The following SCAPER variants were observed in gnomAD, a reference collection of about 807,000 sequenced individuals.
The protein encoded by SCAPER is S phase cyclin A-associated protein in the endoplasmic reticulum.
In SCAPER, 98 loss-of-function variants were observed where a neutral mutation model predicts 182.2. That is an observed-to-expected ratio of 0.54 (90% CI 0.46 to 0.64). The LOEUF (loss-of-function observed/expected upper bound fraction) is 0.64, where lower values mean the gene tolerates loss of function less well. Among genes scored for constraint, SCAPER ranks in the 30% least tolerant of loss-of-function variants. SCAPER has a pLI of 0.00. For synonymous variants in SCAPER, 605 were observed against 564.6 expected, an observed-to-expected ratio of 1.07 and a Z score of -1.01; for missense variants, 1,432 against 1,690.0, an observed-to-expected ratio of 0.85 and a Z score of 2.68.
At chr15:76,645,934 A>C (rs1193414069) in intron 21 of SCAPER, among the ~76,000 whole-genome samples, 2 of 152,142 alleles carry the variant, frequency 1.3e-5, no homozygotes, top group Non-Finnish European at 2.9e-5. Flanking sequence ...TATTTGTTAA[A>C]ACTTATGTCT....
chr15:76,739,958 G>C (rs1303493280), intron 15 of SCAPER, among the ~76,000 whole-genome samples: 1 of 152,182 alleles, frequency 6.6e-6, no homozygotes, highest in African/African-American at 2.4e-5. Flanking sequence ...CTTGTGACCA[G>C]GAGTTCGAGA....
At chr15:76,873,412 T>C (rs572767361) in intron 2 of SCAPER, among the ~76,000 whole-genome samples, 1 of 149,422 alleles carries the variant, frequency 6.7e-6, no homozygotes, top group Non-Finnish European at 1.5e-5. Context: ...CACTAAAAAA[T>C]AATAATACAT....
chr15:76,564,843 TAGAG>T (rs1189915342), intron 23 of SCAPER, among the ~76,000 whole-genome samples: 5 of 151,894 alleles, frequency 3.3e-5, no homozygotes, highest in Non-Finnish European at 7.4e-5. Flanking sequence ...TGGAACAGAA[TAGAG>T]AGCCCAGAAA....
chr15:76,619,526 A>G lies in SCAPER; in HGVS notation c.2711+2238T>C, dbSNP rs561853766. On this transcript the variant is annotated intron_variant, in intron 22 of 31. Coordinates refer to ENST00000563290, the MANE Select transcript of SCAPER (RefSeq NM_020843.4). Reference sequence around the variant, plus strand: ...TTCCAAGGTAGTTGTATCATTTTATATTCCCATCTTTTAGAGAGAGCTAAT... The same window carrying G: ...TTCCAAGGTAGTTGTATCATTTTATGTTCCCATCTTTTAGAGAGAGCTAAT... Among the ~76,000 whole-genome samples the G allele has an allele frequency of 3.9e-5, 6 of 152,254 alleles. No individual in the cohort carries two copies. In the South Asian group the frequency reaches 1.0e-3, roughly 26 times the overall value.
chr15:76,841,331 C>T lies in SCAPER; in HGVS notation c.393+403G>A, dbSNP rs73455347. On this transcript the variant is annotated intron_variant, in intron 5 of 31. Transcript: ENST00000563290. ...AATGAAAAGCATACAGAATTTATTA[C>T]AACTAGAAAAAGTAAGATAAATGAT... Among the ~76,000 whole-genome samples, 1,140 of 152,152 alleles carry T rather than the reference C, an allele frequency of 7.5e-3. 16 individuals carry two copies. Among genetic ancestry groups the T allele is most frequent in the African/African-American group, 0.026 (1,086 of 41,516 alleles).
At position 76,434,219 on chromosome 15, in the gene SCAPER, C is replaced by G; in HGVS notation, c.3170G>C (p.Ser1057Thr). ...EGLTTGLLKV[S>T]AVVLGCLIAN... is the part of the protein sequence containing the mutation. ...AATCAGGCAGCCCAAAACCACAGCA[C>G]TGACTTTGAGAAGTCCAGTTGTCAA... The change falls in exon 26 of 32, where the codon AGT becomes ACT. Residue 1057 changes from serine to threonine, a missense_variant. Coordinates refer to ENST00000563290, the MANE Select transcript of SCAPER (RefSeq NM_020843.4). The G allele has an allele frequency of 6.2e-7, 1 of 1,613,940 alleles. No individual in the cohort carries two copies. Among genetic ancestry groups the G allele is most frequent in the Non-Finnish European group, 8.5e-7 (1 of 1,179,876 alleles).
At chr15:76,736,891 T>C in intron 15 of SCAPER, 1 of 159,594 alleles carries the variant, frequency 6.3e-6, no homozygotes, top group South Asian at 1.8e-4. Context: ...GGTATCTCGT[T>C]TATTTAATTT....
intron 29 of SCAPER, among the ~76,000 whole-genome samples, chr15:76,367,554 G>A (rs2041892540): frequency 6.6e-6 from 1 of 152,070 alleles, no homozygotes; most frequent in African/African-American, 2.4e-5. Flanking sequence ...TCCTGACCTG[G>A]CAGCAGCCCC....
chr15:76,534,267 A>G (rs538700514), intron 23 of SCAPER, among the ~76,000 whole-genome samples: 14 of 152,366 alleles, frequency 9.2e-5, no homozygotes, highest in African/African-American at 2.6e-4. Flanking sequence ...CATCATGACT[A>G]GTGAAGCAGT....
At chr15:76,563,686 T>C (rs2046817930) in intron 23 of SCAPER, among the ~76,000 whole-genome samples, 1 of 152,178 alleles carries the variant, frequency 6.6e-6, no homozygotes, top group African/African-American at 2.4e-5. Context: ...ATTATCCTGA[T>C]ACCAAAACCT....
intron 8 of SCAPER, among the ~76,000 whole-genome samples, chr15:76,781,692 C>T (rs185211769): frequency 6.5e-4 from 99 of 152,222 alleles, no homozygotes; most frequent in African/African-American, 2.2e-3. Flanking sequence ...GTGGATCTCT[C>T]GACAGAAACC....
intron 4 of SCAPER, among the ~76,000 whole-genome samples, chr15:76,844,784 A>G (rs988856623): frequency 2.0e-5 from 3 of 152,200 alleles, no homozygotes; most frequent in Non-Finnish European, 2.9e-5. Flanking sequence ...TTTACCAAAC[A>G]TTTAAAAAAG....
rs921969770 is a variant in SCAPER at position 76,653,200 on chromosome 15, GA to G, written c.2645+12452del. On this transcript the variant is annotated intron_variant, in intron 21 of 31. Transcript: ENST00000563290. The stretch of plus-strand genomic sequence containing the variant: ...CTAAAAGAACAACTACAAAACTGCC[GA>G]AAAAAAATTACAGATTACACAAACA... Among the ~76,000 whole-genome samples the G allele has an allele frequency of 8.6e-5, 13 of 151,666 alleles. No homozygotes were observed. In the East Asian group the frequency reaches 1.4e-3, roughly 16 times the overall value.
rs770076054 is a variant in SCAPER, at chr15:76,728,766, T to C, written c.2023-29A>G. On this transcript the variant is annotated intron_variant, in intron 16 of 31. Coordinates refer to ENST00000563290, the MANE Select transcript of SCAPER (RefSeq NM_020843.4). ...ATGTTAGAAATATTTGTTTCCAATA[T>C]TAGAATTATGTGTAAAATAAAAATG... 4.0e-5 allele frequency: 64 copies of C among 1,587,918 alleles called. 1 individual carries two copies. The Middle Eastern group carries it at 6.7e-4, about 17-fold the overall frequency.
At chr15:76,900,213 G>C (rs1366927939) in intron 1 of SCAPER, among the ~76,000 whole-genome samples, 1 of 151,878 alleles carries the variant, frequency 6.6e-6, no homozygotes, top group African/African-American at 2.4e-5. Context: ...GAAGGCCGCA[G>C]GGACCTCTGC....
At chr15:76,816,310 T>C (rs553471468) in intron 5 of SCAPER, among the ~76,000 whole-genome samples, 1 of 152,354 alleles carries the variant, frequency 6.6e-6, no homozygotes, top group South Asian at 2.1e-4. Flanking sequence ...TGTACAATTG[T>C]ACAAAATTAT....
At chr15:76,674,136 T>C (rs956814496) in intron 20 of SCAPER, among the ~76,000 whole-genome samples, 12 of 152,296 alleles carry the variant, frequency 7.9e-5, no homozygotes, top group Non-Finnish European at 1.6e-4. Flanking sequence ...CATTTCTTTA[T>C]AAATGTATTA....
intron 2 of SCAPER, among the ~76,000 whole-genome samples, chr15:76,871,306 G>A (rs2072711138): frequency 6.6e-6 from 1 of 150,458 alleles, no homozygotes; most frequent in African/African-American, 2.5e-5. Context: ...CTACTTGGGG[G>A]ACTGAGGCAG....
intron 23 of SCAPER, among the ~76,000 whole-genome samples, chr15:76,558,296 T>A (rs1030749834): frequency 2.0e-5 from 3 of 151,652 alleles, no homozygotes; most frequent in African/African-American, 7.3e-5. Flanking sequence ...CTTAACAAAT[T>A]AACAAACAAA....
Sources: gnomAD v4.1 joint callset for allele counts (sites outside exome capture counted in the v4.1 genomes callset) on GRCh38, gnomAD v4.1.1 for gene constraint, MANE v1.5 for transcripts, NCBI Gene and HGNC (gene_info 2026-07-23, HGNC 2026-07-21) for gene names.